SYNPR: variants seen among roughly 807,000 people sequenced by gnomAD.
SYNPR encodes the protein synaptoporin.
A neutral mutation model predicts 32.9 loss-of-function variants in SYNPR; 23 were observed. The observed-to-expected ratio is 0.70, with a 90% CI of 0.50 to 0.99. The LOEUF (loss-of-function observed/expected upper bound fraction) is 0.99, where lower values mean the gene tolerates loss of function less well. Ranked by LOEUF, SYNPR falls within the 50% of genes least tolerant of loss-of-function variation. SYNPR has a pLI of 0.00. For synonymous variants in SYNPR, 146 were observed against 135.9 expected, an observed-to-expected ratio of 1.07 and a Z score of -0.52; for missense variants, 318 against 349.3, an observed-to-expected ratio of 0.91 and a Z score of 0.71.
At chr3:63,246,941 A>G (rs1288128035) in intron 1 of SYNPR, among the ~76,000 whole-genome samples, 2 of 152,112 alleles carry the variant, frequency 1.3e-5, no homozygotes, top group Non-Finnish European at 2.9e-5. Context: ...ATGACATAGT[A>G]TAGGCAAAAA....
At chr3:63,401,481 A>G (rs2088289638) in intron 2 of SYNPR, among the ~76,000 whole-genome samples, 1 of 152,074 alleles carries the variant, frequency 6.6e-6, no homozygotes, top group Non-Finnish European at 1.5e-5. Flanking sequence ...GGTCATGTCT[A>G]CCTCCCTCCC....
At chr3:63,596,792 G>C (rs1237853946) in intron 4 of SYNPR, among the ~76,000 whole-genome samples, 1 of 152,116 alleles carries the variant, frequency 6.6e-6, no homozygotes, top group Non-Finnish European at 1.5e-5. Flanking sequence ...AACCCAAACA[G>C]GAAAAGGGGC....
At chr3:63,559,982 G>T (rs748817216) in intron 4 of SYNPR, among the ~76,000 whole-genome samples, 2 of 152,076 alleles carry the variant, frequency 1.3e-5, no homozygotes, top group Admixed American at 6.6e-5. Flanking sequence ...AAACTATTTC[G>T]TTATATAAAA....
chr3:63,494,468 C>CACATATATACATATATATACATATATAT (rs1559516447), intron 3 of SYNPR, among the ~76,000 whole-genome samples: 4 of 84,808 alleles, frequency 4.7e-5, no homozygotes, highest in Non-Finnish European at 9.4e-5. Context: ...TACATATATA[C>CACATATATACATATATATACATATATAT]ACATATATAC....
At chr3:63,535,436 A>G (rs1362558105) in intron 3 of SYNPR, among the ~76,000 whole-genome samples, 2 of 152,138 alleles carry the variant, frequency 1.3e-5, no homozygotes, top group African/African-American at 4.8e-5. Flanking sequence ...GACTACATAC[A>G]GAAGAAAAAA....
intron 4 of SYNPR, among the ~76,000 whole-genome samples, chr3:63,583,917 A>C (rs1178229100): frequency 6.6e-6 from 1 of 152,098 alleles, no homozygotes; most frequent in African/African-American, 2.4e-5. Flanking sequence ...GGTGAGGAAG[A>C]ATGAATTTTC....
At chr3:63,282,690 A>G (rs2106920211) in intron 2 of SYNPR, among the ~76,000 whole-genome samples, 2 of 151,772 alleles carry the variant, frequency 1.3e-5, no homozygotes, top group South Asian at 4.2e-4. Context: ...CTCAGAAAAA[A>G]AAAAAAAAAA....
intron 2 of SYNPR, among the ~76,000 whole-genome samples, chr3:63,468,454 C>T (rs944597211): frequency 6.6e-6 from 1 of 150,622 alleles, no homozygotes; most frequent in Non-Finnish European, 1.5e-5. Flanking sequence ...TGGCCTGTAG[C>T]TGGTAAGCTC....
At chr3:63,253,517 T>C (rs1276075403) in intron 2 of SYNPR, among the ~76,000 whole-genome samples, 1 of 152,178 alleles carries the variant, frequency 6.6e-6, no homozygotes, top group Non-Finnish European at 1.5e-5. Context: ...ATTGTATTTG[T>C]TTAAAAATAT....
intron 1 of SYNPR, among the ~76,000 whole-genome samples, chr3:63,244,170 A>G (rs748668333): frequency 6.6e-6 from 1 of 152,128 alleles, no homozygotes; most frequent in Non-Finnish European, 1.5e-5. Context: ...ATGGGCTTGC[A>G]TGGTGGGAAC....
At chr3:63,519,590 T>C (rs562470493) in intron 3 of SYNPR, among the ~76,000 whole-genome samples, 2 of 152,316 alleles carry the variant, frequency 1.3e-5, no homozygotes, top group Admixed American at 1.3e-4. Flanking sequence ...TTCTCTGACA[T>C]CCTCAAGGTT....
intron 4 of SYNPR, among the ~76,000 whole-genome samples, chr3:63,558,942 T>G (rs1459924179): frequency 1.3e-5 from 2 of 152,056 alleles, no homozygotes; most frequent in Non-Finnish European, 1.5e-5. Context: ...GATGTAAAAT[T>G]TCTACCTGTT....
chr3:63,568,662 A>T (rs1702835608), intron 4 of SYNPR, among the ~76,000 whole-genome samples: 1 of 152,188 alleles, frequency 6.6e-6, no homozygotes, highest in Admixed American at 6.5e-5. Flanking sequence ...ATTGCCCATG[A>T]TGTAGAAGGA....
chr3:63,449,232 T>C (rs867092073), intron 2 of SYNPR, among the ~76,000 whole-genome samples: 6 of 152,144 alleles, frequency 3.9e-5, no homozygotes, highest in African/African-American at 1.4e-4. Context: ...TATTATCTGG[T>C]TTTTTGTGGG....
upstream of SYNPR, among the ~76,000 whole-genome samples, chr3:63,224,750 A>G (rs1195625664): frequency 6.6e-6 from 1 of 152,210 alleles, no homozygotes; most frequent in Non-Finnish European, 1.5e-5. Context: ...AGAGAAGGAT[A>G]ACAGGGTGGC....
intron 2 of SYNPR, among the ~76,000 whole-genome samples, chr3:63,358,357 T>G (rs1211122147): frequency 6.6e-6 from 1 of 152,224 alleles, no homozygotes; most frequent in Admixed American, 6.5e-5. Context: ...ACTTCTTGGC[T>G]CATGGCCCCT....
intron 3 of SYNPR, 55 bp from the exon 4 acceptor site, chr3:63,556,488 T>C (rs901565841): frequency 1.0e-5 from 15 of 1,478,298 alleles, no homozygotes; most frequent in Admixed American, 4.2e-5. Flanking sequence ...ACACAAGTCA[T>C]GTATTTTTGT....
intron 2 of SYNPR, chr3:63,252,615 G>C (rs562755699): frequency 2.6e-5 from 4 of 152,276 alleles, no homozygotes; most frequent in Admixed American, 2.6e-4. Flanking sequence ...AAAATGTGCT[G>C]ATAACAGAAC....
At chr3:63,366,580 C>T (rs865807972) in intron 2 of SYNPR, among the ~76,000 whole-genome samples, 2 of 152,006 alleles carry the variant, frequency 1.3e-5, no homozygotes, top group Non-Finnish European at 2.9e-5. Flanking sequence ...GAAAATAAAC[C>T]AATATAAGAC....
Sources: allele counts gnomAD v4.1 joint callset (sites outside exome capture counted in the v4.1 genomes callset), GRCh38; gene constraint gnomAD v4.1.1; transcripts MANE v1.5; gene names NCBI Gene and HGNC (gene_info 2026-07-23, HGNC 2026-07-21).